The following ZC2HC1B variants were observed in gnomAD, a reference collection of about 807,000 sequenced individuals.
ZC2HC1B encodes the protein zinc finger C2HC-type containing 1B, also known as zinc finger C2HC domain-containing protein 1B.
Under a neutral mutation model 31.0 loss-of-function variants are expected in ZC2HC1B, and 36 were observed. The observed-to-expected ratio is 1.16, with a 90% confidence interval of 0.89 to 1.54. The LOEUF is 1.54. Ranked by LOEUF, ZC2HC1B falls within the 40% of genes most tolerant of loss-of-function variation. The pLI is 0.00. For synonymous variants in ZC2HC1B, 73 were observed against 88.0 expected (o/e 0.83, Z 0.95); for missense variants, 260 against 268.6 (o/e 0.97, Z 0.22).
At chr6:143,936,466 T>C (rs927472674) in intron 6 of ZC2HC1B, among the ~76,000 whole-genome samples, 48 of 152,332 alleles carry the variant, frequency 3.2e-4, no homozygotes, top group African/African-American at 1.1e-3. Flanking sequence ...ATTTGGAAAT[T>C]ATTTTAGAAA....
intron 4 of ZC2HC1B, 132 bp from the exon 5 acceptor site, chr6:143,898,420 C>A: frequency 8.5e-7 from 1 of 1,180,462 alleles, no homozygotes; most frequent in Non-Finnish European, 1.2e-6. Context: ...CTCAGCCTCA[C>A]AGAGTGCTGG....
chr6:143,910,541 A>C (rs1447393389), intron 6 of ZC2HC1B, among the ~76,000 whole-genome samples: 1 of 152,128 alleles, frequency 6.6e-6, no homozygotes, highest in Non-Finnish European at 1.5e-5. Context: ...TGTCTTGATG[A>C]TCTGTCTAAT....
At chr6:143,866,023 C>A (rs932591461) in intron 1 of ZC2HC1B, among the ~76,000 whole-genome samples, 1 of 152,186 alleles carries the variant, frequency 6.6e-6, no homozygotes, top group African/African-American at 2.4e-5. Flanking sequence ...GCCATGTTGG[C>A]CAGGCTGGTC....
Position 143,917,440 on chromosome 6 carries a change from G to A in ZC2HC1B, c.598+14288G>A, listed in dbSNP as rs1325265015. 1.3e-5 allele frequency among the ~76,000 whole-genome samples: 2 copies of A among 152,102 alleles called. No individual in the cohort carries two copies. Among genetic ancestry groups the A allele is most frequent in the South Asian group, 2.1e-4 (1 of 4,814 alleles). On this transcript the variant is annotated intron_variant, in intron 6 of 7. Coordinates refer to ENST00000237275, the MANE Select transcript of ZC2HC1B (RefSeq NM_001013623.3). The surrounding 1 kb of genome is among the most constrained non-coding windows in gnomAD (Gnocchi z 4.1). ...TTTTGTATGTATAACTATTTTCTTA[G>A]TAGTTACCATGGGGACTACATTTAA...
chr6:143,891,427 G>C (rs562739513), intron 4 of ZC2HC1B, among the ~76,000 whole-genome samples: 1 of 151,990 alleles, frequency 6.6e-6, no homozygotes, highest in African/African-American at 2.4e-5. Context: ...CTGGCCAGGC[G>C]TGGTGGCTCA....
In ZC2HC1B at chr6:143,871,860, T is replaced by G. The variant is rs1352942469; in HGVS notation, c.28+7293T>G. Reference sequence around the variant, plus strand: ...AAGTATGTCTATGCCAATTTTGCATTCTGGCACTGGGGAAATGACCACAGG... The same window carrying G: ...AAGTATGTCTATGCCAATTTTGCATGCTGGCACTGGGGAAATGACCACAGG... On this transcript the variant is annotated intron_variant, in intron 1 of 7. Transcript: ENST00000237275. The surrounding 1 kb of genome is among the most constrained non-coding windows in gnomAD (Gnocchi z 4.1). Among the ~76,000 whole-genome samples, 2 of 152,172 alleles carry G rather than the reference T, an allele frequency of 1.3e-5. No homozygotes were observed. The highest frequency in any genetic ancestry group is 3.8e-4 in the East Asian group (2 of 5,196).
chr6:143,894,218 G>A lies in ZC2HC1B; in HGVS notation c.350-4334G>A, dbSNP rs977445878. 5.3e-5 allele frequency among the ~76,000 whole-genome samples: 8 copies of A among 152,144 alleles called. 1 individual carries two copies. ...TGGTCTAGTACTCAACTATAAGGAG[G>A]AAATACATGCAGCAACATAGATGTT... On this transcript the variant is annotated intron_variant, in intron 4 of 7. Coordinates refer to ENST00000237275, the MANE Select transcript of ZC2HC1B (RefSeq NM_001013623.3).
rs1183980525 is a variant in ZC2HC1B at position 143,886,957 on chromosome 6, T to C, written c.349+136T>C. The C allele has an allele frequency of 2.0e-6, 2 of 976,662 alleles. No individual in the cohort carries two copies. Among genetic ancestry groups the C allele is most frequent in the Admixed American group, 3.9e-5 (1 of 25,926 alleles). The allele number at this position is 976,662 out of a possible 1,614,324, so 60.5% of individuals were successfully genotyped here. On this transcript the variant is annotated intron_variant, in intron 4 of 7. Transcript: ENST00000237275. The surrounding 1 kb of genome is among the most constrained non-coding windows in gnomAD (Gnocchi z 4.2). ...ATTAATTATATAAAAGTAAACATCC[T>C]ATTTTTTTCAATTCTGCATAAAGAT...
chr6:143,875,056 C>A (rs1433511461), intron 1 of ZC2HC1B, among the ~76,000 whole-genome samples: 1 of 152,174 alleles, frequency 6.6e-6, no homozygotes, highest in African/African-American at 2.4e-5. Flanking sequence ...TGGTCTCGAA[C>A]TCCTGACCTC....
chr6:143,891,462 A>T (rs7754425), intron 4 of ZC2HC1B, among the ~76,000 whole-genome samples: 138 of 152,200 alleles, frequency 9.1e-4, no homozygotes, highest in African/African-American at 3.2e-3. Context: ...GCACTTTGGG[A>T]GGCCGAGGCA....
chr6:143,892,288 T>G lies in ZC2HC1B; in HGVS notation c.349+5467T>G, dbSNP rs527363440. Among the ~76,000 whole-genome samples, 10 of 146,634 alleles carry G rather than the reference T, an allele frequency of 6.8e-5. No individual in the cohort carries two copies. The Admixed American group carries it at 6.8e-4, about 10-fold the overall frequency. On this transcript the variant is annotated intron_variant, in intron 4 of 7. Coordinates refer to ENST00000237275, the MANE Select transcript of ZC2HC1B (RefSeq NM_001013623.3). ...AAGGGAAGGAGGTGGGAAGGAGGAG[T>G]GACAGGCTCTTTTTTTTTTTTTTTT...
intron 6 of ZC2HC1B, among the ~76,000 whole-genome samples, chr6:143,931,988 C>G (rs962846819): frequency 6.6e-6 from 1 of 151,938 alleles, no homozygotes; most frequent in Admixed American, 6.6e-5. Context: ...CTTCAGCCTC[C>G]CAAGTAGCTA....
chr6:143,877,684 T>G (rs1485257219), intron 1 of ZC2HC1B, among the ~76,000 whole-genome samples: 1 of 150,522 alleles, frequency 6.6e-6, no homozygotes, highest in Admixed American at 6.6e-5. Flanking sequence ...TGGAAATTCC[T>G]GTCTGTTTGC....
rs1172767754 is a variant in ZC2HC1B at position 143,895,712 on chromosome 6, G to A, written c.350-2840G>A. Among the ~76,000 whole-genome samples, 1 of 152,092 alleles carries A rather than the reference G, an allele frequency of 6.6e-6. No individual in the cohort carries two copies. The highest frequency in any genetic ancestry group is 1.5e-5 in the Non-Finnish European group (1 of 68,020). ...ATTTATAATTGTTATTTTTCTATGA[G>A]GCCTGGGACATTCAGTTACCATTTT... is the stretch of plus-strand genomic sequence containing the variant. On this transcript the variant is annotated intron_variant, in intron 4 of 7. Transcript: ENST00000237275. The surrounding 1 kb of genome is among the most constrained non-coding windows in gnomAD (Gnocchi z 4.8).
chr6:143,901,250 CTTTTTTTTTT>C (rs760366226), intron 5 of ZC2HC1B, among the ~76,000 whole-genome samples: 12 of 90,496 alleles, frequency 1.3e-4, no homozygotes, highest in South Asian at 3.8e-4. Context: ...TTCTTTCTTC[CTTTTTTTTTT>C]TTTTTTTTTT....
At chr6:143,936,040 G>A (rs967923206) in intron 6 of ZC2HC1B, among the ~76,000 whole-genome samples, 1 of 151,886 alleles carries the variant, frequency 6.6e-6, no homozygotes, top group African/African-American at 2.4e-5. Context: ...CCTAAAACTC[G>A]GGCTTTCATC....
At position 143,898,573 on chromosome 6, in the gene ZC2HC1B, G is replaced by T. The variant is rs1777697367; in HGVS notation, c.371G>T (p.Cys124Phe). 6.4e-7 allele frequency: 1 copy of T among 1,551,598 alleles called. No individual in the cohort carries two copies. Among genetic ancestry groups the T allele is most frequent in the Admixed American group, 2.0e-5 (1 of 50,994 alleles). The change falls in exon 5 of 8, where the codon TGT (cysteine) becomes TTT (phenylalanine). Residue 124 changes from cysteine (C) to phenylalanine (F), a missense_variant. Physicochemically the swap from Cys to Phe is radical, Grantham distance 205. Transcript: ENST00000237275. ...LNPDYIQRPY[C>F]MRRFNESAAE... ...TCAGATTATATTCAACGTCCATATT[G>T]TATGAGAAGGTTTAATGAAAGCGCA...
At chr6:143,888,781 G>A (rs1222733601) in intron 4 of ZC2HC1B, among the ~76,000 whole-genome samples, 1 of 151,862 alleles carries the variant, frequency 6.6e-6, no homozygotes, top group Admixed American at 6.6e-5. Flanking sequence ...TATTATTGCT[G>A]ATAGTGTTTT....
At position 143,917,419 on chromosome 6, in the gene ZC2HC1B, G is replaced by A. The variant is rs545775442; in HGVS notation, c.598+14267G>A. 2.2e-3 allele frequency among the ~76,000 whole-genome samples: 334 copies of A among 152,038 alleles called. No individual in the cohort carries two copies. The highest frequency in any genetic ancestry group is 4.9e-3 in the Admixed American group (75 of 15,276). ...TTATATTCCTTCCTCATTTCCTTTT[G>A]TATGTATAACTATTTTCTTAGTAGT... is the stretch of plus-strand genomic sequence containing the variant. On this transcript the variant is annotated intron_variant, in intron 6 of 7. Transcript: ENST00000237275. This position sits in a 1 kb window ranked among gnomAD's most constrained non-coding sequence, Gnocchi z 4.1.
Sources: allele counts gnomAD v4.1 joint callset (sites outside exome capture counted in the v4.1 genomes callset), GRCh38; gene constraint gnomAD v4.1.1; non-coding constraint Gnocchi (gnomAD v3.1); transcripts MANE v1.5; gene names NCBI Gene and HGNC (gene_info 2026-07-23, HGNC 2026-07-21).